CES5A: variants seen among roughly 807,000 people sequenced by gnomAD.
CES5A encodes carboxylesterase 5.
CES5A carries 67 observed loss-of-function variants against 62.9 expected under a neutral mutation model. The observed-to-expected ratio is 1.07, with a 90% CI of 0.88 to 1.31. The LOEUF (loss-of-function observed/expected upper bound fraction) is 1.31. Among genes scored for constraint, CES5A ranks in the 50% most tolerant of loss-of-function variants. CES5A has a pLI of 0.00. For synonymous variants in CES5A, 296 were observed against 280.8 expected (o/e 1.05, Z -0.54); for missense variants, 748 against 708.5 (o/e 1.06, Z -0.63).
chr16:55,910,240 C>T (rs1405359420), intron 1 of CES5A, among the ~76,000 whole-genome samples: 1 of 152,200 alleles, frequency 6.6e-6, no homozygotes, highest in African/African-American at 2.4e-5. Context: ...CCACCTCCAA[C>T]AGCCACTGGC....
At chr16:55,921,189 T>C (rs1179928855) in intron 1 of CES5A, among the ~76,000 whole-genome samples, 1 of 151,972 alleles carries the variant, frequency 6.6e-6, no homozygotes, top group East Asian at 1.9e-4. Flanking sequence ...GAATGAGAGA[T>C]AAAAAGCTTT....
At position 55,852,317 on chromosome 16, in the gene CES5A, T is replaced by C. The variant is rs115670137; in HGVS notation, c.1273+564A>G. ...CTTTTGTTATTGATTTCTAATTTCA[T>C]TGCCTTGTGGTCGAAGAAGATACTC... On this transcript the variant is annotated intron_variant, in intron 10 of 12. Transcript: ENST00000290567. Among the ~76,000 whole-genome samples the C allele has an allele frequency of 2.3e-3, 356 of 152,354 alleles. 3 individuals carry two copies. The highest frequency in any genetic ancestry group is 7.2e-3 in the African/African-American group (299 of 41,584).
upstream of CES5A, among the ~76,000 whole-genome samples, chr16:55,877,969 C>T (rs1214040169): frequency 6.6e-6 from 1 of 152,054 alleles, no homozygotes; most frequent in Admixed American, 6.5e-5. Context: ...AGTTATTGGG[C>T]CATGAAAAAT....
At chr16:55,854,300 A>G (rs1211944651) in intron 9 of CES5A, among the ~76,000 whole-genome samples, 1 of 151,938 alleles carries the variant, frequency 6.6e-6, no homozygotes, top group Non-Finnish European at 1.5e-5. Context: ...CGCACAGCCT[A>G]CTTCCCACTC....
chr16:55,901,982 C>G (rs1465836604), intron 1 of CES5A, among the ~76,000 whole-genome samples: 2 of 152,172 alleles, frequency 1.3e-5, no homozygotes, highest in African/African-American at 4.8e-5. Context: ...AGGATCGCAG[C>G]CTTGGTGAGG....
chr16:55,869,400 T>C, intron 4 of CES5A: 1 of 897,692 alleles, frequency 1.1e-6, no homozygotes, highest in Non-Finnish European at 1.5e-6. Context: ...AATTAAACTT[T>C]ACCCAAGTGA....
Position 55,846,770 on chromosome 16 carries a change from G to T in CES5A, c.1494C>A (p.Thr498=). 6.2e-7 allele frequency: 1 copy of T among 1,614,074 alleles called. No individual in the cohort carries two copies. The change falls in exon 12 of 13, where the codon ACC becomes ACA. Residue 498 remains threonine (T), a splice_region_variant and synonymous_variant. Coordinates refer to ENST00000290567, the MANE Select transcript of CES5A (RefSeq NM_001143685.2). ...MMKYWATFAR[T]GNPNGNDLSL... is the part of the protein sequence containing the mutation. ...GGGAGACCGGGAGGTTTACTTACCC[G>T]GTTCGAGCAAAGGTAGCCCAGTATT...
chr16:55,940,637 A>G (rs756049405), intron 2 of CES5A, among the ~76,000 whole-genome samples: 1 of 152,030 alleles, frequency 6.6e-6, no homozygotes, highest in Non-Finnish European at 1.5e-5. Context: ...AATTTCTTTC[A>G]GAAAATAGAA....
chr16:55,879,082 C>T (rs74393688), upstream of CES5A, among the ~76,000 whole-genome samples: 2,254 of 144,362 alleles, frequency 0.016, 54 homozygotes, highest in African/African-American at 0.054. Context: ...GCACCTCCAT[C>T]ATTATCCCAT....
At chr16:55,853,700 C>T (rs531437548) in intron 9 of CES5A, among the ~76,000 whole-genome samples, 27 of 152,266 alleles carry the variant, frequency 1.8e-4, no homozygotes, top group African/African-American at 6.0e-4. Context: ...CATTGCTGAG[C>T]GCCTTAATAG....
intron 6 of CES5A, 46 bp downstream of exon 6, chr16:55,863,302 G>T (rs766309923): frequency 1.8e-5 from 18 of 1,026,026 alleles, no homozygotes; most frequent in Non-Finnish European, 2.8e-5. Flanking sequence ...CACATTCTCT[G>T]CTAACTGAGG....
rs1190015075 is a variant in CES5A at position 55,873,925 on chromosome 16, A to G, written c.186T>C (p.Phe62=). Residue 62 remains phenylalanine, a synonymous_variant, in exon 2 of 13, where the codon TTT becomes TTC. Transcript: ENST00000290567. ...GCAGGGATCCCAGCGGGGGAGCAGC[A>G]AAGGGGACTCCGAGGAACACGTTCA... ...VPVNVFLGVP[F]AAPPLGSLRF... The G allele has an allele frequency of 6.2e-7, 1 of 1,613,876 alleles. No homozygotes were observed.
intron 1 of CES5A, among the ~76,000 whole-genome samples, chr16:55,918,282 G>A (rs2034167847): frequency 6.6e-6 from 1 of 152,158 alleles, no homozygotes; most frequent in Non-Finnish European, 1.5e-5. Flanking sequence ...CTCTACATGA[G>A]CTCTTCTCAT....
chr16:55,929,105 A>T (rs12929580), upstream of CES5A, among the ~76,000 whole-genome samples: 9,696 of 152,140 alleles, frequency 0.064, 416 homozygotes, highest in Middle Eastern at 0.095. Context: ...GGGCTCTAAG[A>T]CTCCACAAGC....
upstream of CES5A, among the ~76,000 whole-genome samples, chr16:55,877,325 G>A (rs1181710139): frequency 2.6e-5 from 4 of 152,174 alleles, no homozygotes; most frequent in African/African-American, 9.7e-5. Context: ...GATTGAGTTA[G>A]ATGTAATTGT....
chr16:55,900,970 G>A (rs530139432), intron 1 of CES5A, among the ~76,000 whole-genome samples: 64 of 152,280 alleles, frequency 4.2e-4, no homozygotes, highest in Non-Finnish European at 7.1e-4. Context: ...GTGTGAGTCA[G>A]GGGGAGAGCT....
In CES5A at chr16:55,861,593, C is replaced by G. The variant is rs146193445; in HGVS notation, c.811-77G>C. The G allele has an allele frequency of 1.0e-5, 10 of 998,996 alleles. No individual in the cohort carries two copies. In the East Asian group the frequency reaches 2.5e-4, roughly 25 times the overall value. 61.9% of individuals were successfully genotyped at this position (998,996 alleles called of 1,614,324 possible). A position where few individuals can be genotyped will look rare whatever the true frequency, so the allele number is the denominator to read the frequency against. Reference sequence around the variant, plus strand: ...AAAATGAAAGCTTGAAAATGCCCTCCAATCAGCCACAGGCTGGCCCTCCAT... The same window carrying G: ...AAAATGAAAGCTTGAAAATGCCCTCGAATCAGCCACAGGCTGGCCCTCCAT... On this transcript the variant is annotated intron_variant, in intron 6 of 12. Coordinates refer to ENST00000290567, the MANE Select transcript of CES5A (RefSeq NM_001143685.2).
At chr16:55,954,683 G>C (rs1448523852) in intron 1 of CES5A, among the ~76,000 whole-genome samples, 4 of 152,186 alleles carry the variant, frequency 2.6e-5, no homozygotes, top group African/African-American at 9.6e-5. Flanking sequence ...GCCAGCCACA[G>C]TCCTGGCTGC....
chr16:55,923,151 A>G (rs921003549), intron 1 of CES5A, among the ~76,000 whole-genome samples: 13 of 151,718 alleles, frequency 8.6e-5, no homozygotes, highest in Admixed American at 7.2e-4. Flanking sequence ...AAAAAACAAA[A>G]TTAATAGAAG....
Sources: allele counts gnomAD v4.1 joint callset (sites outside exome capture counted in the v4.1 genomes callset), GRCh38; gene constraint gnomAD v4.1.1; transcripts MANE v1.5; gene names NCBI Gene and HGNC (gene_info 2026-07-23, HGNC 2026-07-21).